The following CFAP46 variants were observed in gnomAD, a reference collection of about 807,000 sequenced individuals.
CFAP46 encodes cilia- and flagella-associated protein 46.
Under a neutral mutation model 325.7 loss-of-function variants are expected in CFAP46, and 245 were observed. The ratio of observed to expected loss-of-function variants is 0.75; its 90% CI spans 0.68 to 0.84. CFAP46 has a LOEUF of 0.84. Among genes scored for constraint, CFAP46 ranks in the 40% least tolerant of loss-of-function variants. CFAP46 has a pLI of 0.00. For missense variants in CFAP46, 3,346 were observed against 3,543.0 expected, an observed-to-expected ratio of 0.94 and a Z score of 1.41; for synonymous variants, 1,523 against 1,495.9, an observed-to-expected ratio of 1.02 and a Z score of -0.42.
chr10:132,898,970 CCT>C lies in CFAP46; in HGVS notation c.3206_3207del (p.Glu1069GlyfsTer35). The stretch of plus-strand genomic sequence containing the variant: ...CAGGGCTGGTGCACCTGCTTTCTGG[CCT>C]CTGTCTTGTTGATGATGCCGATGAG... ...KRLIGIINKT[E>X]ARKQEKGKTL... On this transcript the variant is annotated frameshift_variant, in exon 24 of 58. Coordinates refer to ENST00000368586, the MANE Select transcript of CFAP46 (RefSeq NM_001200049.3). LOFTEE classifies it high-confidence loss of function. The C allele has an allele frequency of 6.4e-7, 1 of 1,550,576 alleles. No individual in the cohort carries two copies. Among genetic ancestry groups the C allele is most frequent in the Non-Finnish European group, 8.7e-7 (1 of 1,146,978 alleles).
intron 32 of CFAP46, among the ~76,000 whole-genome samples, chr10:132,870,195 C>T (rs770604290): frequency 3.9e-5 from 6 of 152,090 alleles, no homozygotes; most frequent in African/African-American, 1.2e-4. Context: ...TGAACTGAGT[C>T]GATAAATGTC....
chr10:132,880,507 C>T (rs557865677), intron 28 of CFAP46, among the ~76,000 whole-genome samples: 6 of 152,324 alleles, frequency 3.9e-5, no homozygotes, highest in East Asian at 3.9e-4. Flanking sequence ...CCCGCTCCCC[C>T]GGCCTCCTGA....
chr10:132,841,324 C>A (rs969882459), intron 44 of CFAP46, among the ~76,000 whole-genome samples: 1 of 152,248 alleles, frequency 6.6e-6, no homozygotes, highest in Non-Finnish European at 1.5e-5. Context: ...AAGCAAGCCC[C>A]AACCCCACAG....
At chr10:132,910,487 T>G (rs1162685775) in intron 19 of CFAP46, among the ~76,000 whole-genome samples, 1 of 150,492 alleles carries the variant, frequency 6.6e-6, no homozygotes, top group East Asian at 1.9e-4. Context: ...GCTGCTGCCC[T>G]GAGCCCCTGG....
chr10:132,879,167 G>T lies in CFAP46; in HGVS notation c.4005+259C>A, dbSNP rs770778514. Among the ~76,000 whole-genome samples the T allele has an allele frequency of 4.9e-4, 75 of 152,226 alleles. 1 individual carries two copies. The highest frequency in any genetic ancestry group is 8.5e-4 in the Non-Finnish European group (58 of 68,030). On this transcript the variant is annotated intron_variant, in intron 29 of 57. Transcript: ENST00000368586. ...GGGAGCCACGAGCCCCTCCCTTGGG[G>T]AGTGCTGGGAATGTGGAGGGTGCAG...
intron 27 of CFAP46, among the ~76,000 whole-genome samples, chr10:132,882,118 A>G (rs76906174): frequency 0.72 from 80,975 of 112,342 alleles, 26,322 homozygotes; most frequent in African/African-American, 0.86. Context: ...TGTGGTCTGT[A>G]TGGGATGTGG....
At chr10:132,941,556 A>G in intron 3 of CFAP46, 35 bp downstream of exon 3, 1 of 1,594,336 alleles carries the variant, frequency 6.3e-7, no homozygotes, top group Non-Finnish European at 8.6e-7. Context: ...TGAAAATTGA[A>G]CTGTTGGGGA....
At chr10:132,820,752 GTGC>G (rs1441147174) in intron 50 of CFAP46, among the ~76,000 whole-genome samples, 2 of 136,100 alleles carry the variant, frequency 1.5e-5, no homozygotes, top group Admixed American at 7.4e-5. Context: ...TGTGCTGTGT[GTGC>G]TGATGTGTGC....
chr10:132,827,295 G>T lies in CFAP46; in HGVS notation c.7117+6063C>A, dbSNP rs1848073724. Among the ~76,000 whole-genome samples, 1 of 152,234 alleles carries T rather than the reference G, an allele frequency of 6.6e-6. No homozygotes were observed. Among genetic ancestry groups the T allele is most frequent in the Middle Eastern group, 3.4e-3 (1 of 294 alleles). ...GCCTGTGATGGACGGGGCACCCAGT[G>T]GGCCAGAATCAGACGGAGAACAGCT... On this transcript the variant is annotated intron_variant, in intron 50 of 57. Transcript: ENST00000368586. The surrounding 1 kb of genome is among the most constrained non-coding windows in gnomAD (Gnocchi z 5.7).
At chr10:132,885,380 G>T (rs1215510557) in intron 26 of CFAP46, 94 bp from the exon 27 acceptor site, 9 of 1,275,762 alleles carry the variant, frequency 7.1e-6, no homozygotes, top group Non-Finnish European at 9.6e-6. Flanking sequence ...TCCACCTCCA[G>T]CTTAAAAAGA....
intron 24 of CFAP46, 125 bp downstream of exon 24, chr10:132,898,834 G>T (rs556456576): frequency 6.2e-6 from 8 of 1,300,526 alleles, no homozygotes; most frequent in East Asian, 2.5e-5. Context: ...CTCCTCGGCT[G>T]GTGCTGGTGC....
chr10:132,891,158 A>C (rs1849248190), intron 25 of CFAP46, among the ~76,000 whole-genome samples: 2 of 152,234 alleles, frequency 1.3e-5, no homozygotes, highest in Admixed American at 1.3e-4. Context: ...CGCGGCAGCC[A>C]CGACCAGGGG....
Position 132,827,657 on chromosome 10 carries a change from G to A in CFAP46, c.7117+5701C>T, listed in dbSNP as rs936508936. 6.6e-6 allele frequency among the ~76,000 whole-genome samples: 1 copy of A among 152,032 alleles called. No homozygotes were observed. Among genetic ancestry groups the A allele is most frequent in the Non-Finnish European group, 1.5e-5 (1 of 68,016 alleles). ...AGTGAGCAACGTGACGGGACTGGAC[G>A]CTGCACGCCAGCAAGTCATCGCCAC... On this transcript the variant is annotated intron_variant, in intron 50 of 57. Transcript: ENST00000368586. The surrounding 1 kb of genome is among the most constrained non-coding windows in gnomAD (Gnocchi z 5.7).
chr10:132,815,772 C>T (rs756455845), intron 50 of CFAP46, among the ~76,000 whole-genome samples: 4 of 151,978 alleles, frequency 2.6e-5, no homozygotes, highest in East Asian at 1.9e-4. Flanking sequence ...GGTGACAGAG[C>T]GAGACCGTCA....
chr10:132,822,615 T>TGC (rs1565036457), intron 50 of CFAP46, among the ~76,000 whole-genome samples: 104 of 127,338 alleles, frequency 8.2e-4, no homozygotes, highest in South Asian at 7.3e-3. Flanking sequence ...GTGCTGTGTG[T>TGC]TGTGTGAGTG....
At chr10:132,904,761 G>A (rs529602314) in intron 22 of CFAP46, among the ~76,000 whole-genome samples, 45 of 152,300 alleles carry the variant, frequency 3.0e-4, no homozygotes, top group African/African-American at 9.6e-4. Context: ...TAGAAATAAT[G>A]TTTGTTCTGT....
intron 50 of CFAP46, among the ~76,000 whole-genome samples, chr10:132,833,028 A>G (rs1304114106): frequency 6.6e-6 from 1 of 152,094 alleles, no homozygotes; most frequent in Non-Finnish European, 1.5e-5. Context: ...GCTGGAGTGC[A>G]GTGGCGCCAT....
At chr10:132,824,931 T>A (rs1477754395) in intron 50 of CFAP46, among the ~76,000 whole-genome samples, 1 of 141,830 alleles carries the variant, frequency 7.1e-6, no homozygotes, top group Non-Finnish European at 1.5e-5. Context: ...GTGCTGCTTG[T>A]GTGTGCTGTG....
chr10:132,861,598 G>A (rs1848721957), intron 35 of CFAP46, among the ~76,000 whole-genome samples: 1 of 152,222 alleles, frequency 6.6e-6, no homozygotes, highest in African/African-American at 2.4e-5. Context: ...CCAGGGAGCT[G>A]GGCAGCCACA....
Sources: allele counts gnomAD v4.1 joint callset (sites outside exome capture counted in the v4.1 genomes callset), GRCh38; gene constraint gnomAD v4.1.1; non-coding constraint Gnocchi (gnomAD v3.1); transcripts MANE v1.5; gene names NCBI Gene and HGNC (gene_info 2026-07-23, HGNC 2026-07-21).